Variants in RASAL2 observed in about 807,000 individuals in gnomAD.
RASAL2 encodes ras GTPase-activating protein nGAP.
Under a neutral mutation model 128.9 loss-of-function variants are expected in RASAL2, and 58 were observed. That is an observed-to-expected ratio of 0.45 (90% CI 0.36 to 0.56). The LOEUF is 0.56. Ranked by LOEUF, RASAL2 falls within the 20% of genes least tolerant of loss-of-function variation. RASAL2 has a pLI of 0.00. For synonymous variants in RASAL2, 561 were observed against 580.8 expected, an observed-to-expected ratio of 0.97 and a Z score of 0.49; for missense variants, 1,360 against 1,601.6, an observed-to-expected ratio of 0.85 and a Z score of 2.57.
intron 1 of RASAL2, among the ~76,000 whole-genome samples, chr1:178,157,765 TG>T (rs1661132448): frequency 6.6e-6 from 1 of 152,206 alleles, no homozygotes; most frequent in African/African-American, 2.4e-5. Context: ...TCTTTGGAAA[TG>T]CTAACTATAA....
intron 3 of RASAL2, among the ~76,000 whole-genome samples, chr1:178,362,068 A>T (rs1671147881): frequency 6.6e-6 from 1 of 152,110 alleles, no homozygotes. Flanking sequence ...TGTGCGGCCT[A>T]CTTCCTACCA....
intron 1 of RASAL2, among the ~76,000 whole-genome samples, chr1:178,175,128 T>C (rs934222372): frequency 6.6e-6 from 1 of 152,188 alleles, no homozygotes; most frequent in Admixed American, 6.5e-5. Context: ...GTTTTCTCAT[T>C]AATAAAATAG....
At chr1:178,330,632 A>G (rs1161317204) in intron 3 of RASAL2, among the ~76,000 whole-genome samples, 3 of 152,174 alleles carry the variant, frequency 2.0e-5, no homozygotes, top group Non-Finnish European at 4.4e-5. Flanking sequence ...AGAATTAAAC[A>G]TTTCTGTAAA....
At chr1:178,125,484 T>G (rs1659861934) in intron 1 of RASAL2, 1 of 152,240 alleles carries the variant, frequency 6.6e-6, no homozygotes, top group African/African-American at 2.4e-5. Context: ...GGAAATGTGG[T>G]GCCGGCATCT....
At chr1:178,408,497 A>C (rs925335834) in intron 4 of RASAL2, among the ~76,000 whole-genome samples, 2 of 152,120 alleles carry the variant, frequency 1.3e-5, no homozygotes, top group Non-Finnish European at 2.9e-5. Flanking sequence ...ATTTTACTTT[A>C]GTTTAATTAT....
intron 3 of RASAL2, among the ~76,000 whole-genome samples, chr1:178,355,199 C>T (rs1670735954): frequency 6.6e-6 from 1 of 152,110 alleles, no homozygotes; most frequent in Non-Finnish European, 1.5e-5. Context: ...TTTTAGAAAC[C>T]TAATTTAGGA....
intron 3 of RASAL2, among the ~76,000 whole-genome samples, chr1:178,325,521 A>G (rs1164608979): frequency 6.6e-6 from 1 of 152,238 alleles, no homozygotes; most frequent in Non-Finnish European, 1.5e-5. Flanking sequence ...GATAGAGCTA[A>G]TGAGATAATA....
rs560913048 is a variant in RASAL2 at position 178,114,522 on chromosome 1, G to GT, written c.202+19841dup. 8.7e-3 allele frequency among the ~76,000 whole-genome samples: 1,259 copies of GT among 144,396 alleles called. 14 individuals are homozygous for GT. Among genetic ancestry groups the GT allele is most frequent in the African/African-American group, 0.025 (983 of 39,682 alleles). 94.7% of individuals were successfully genotyped at this position (144,396 alleles called of 152,430 possible). A position where few individuals can be genotyped will look rare whatever the true frequency, so the allele number is the denominator to read the frequency against. ...ATTGTGAATAACCTTGATTTTTGAG[G>GT]TTTTTTTTTTTTTCTTTGAGATGGA... On this transcript the variant is annotated intron_variant, in intron 1 of 17. Coordinates refer to ENST00000367649, the MANE Select transcript of RASAL2 (RefSeq NM_170692.4).
intron 9 of RASAL2, among the ~76,000 whole-genome samples, chr1:178,447,145 T>A (rs1677057275): frequency 6.6e-6 from 1 of 152,030 alleles, no homozygotes; most frequent in South Asian, 2.1e-4. Context: ...TCAGTGGAAT[T>A]AACTTAGCAG....
chr1:178,270,991 C>T (rs1666223023), intron 1 of RASAL2, among the ~76,000 whole-genome samples: 1 of 152,180 alleles, frequency 6.6e-6, no homozygotes, highest in Admixed American at 6.5e-5. Flanking sequence ...CTTTTCTCAA[C>T]TGTGACAATT....
chr1:178,327,251 A>G (rs753414578), intron 3 of RASAL2, among the ~76,000 whole-genome samples: 1 of 152,194 alleles, frequency 6.6e-6, no homozygotes, highest in Non-Finnish European at 1.5e-5. Context: ...TCTTCAGGCT[A>G]TAAAGTATTT....
chr1:178,394,861 C>CA (rs1377603748), intron 4 of RASAL2, among the ~76,000 whole-genome samples: 3 of 151,836 alleles, frequency 2.0e-5, no homozygotes, highest in Non-Finnish European at 2.9e-5. Flanking sequence ...AAAACATTGT[C>CA]AAAAAAACAA....
intron 5 of RASAL2, among the ~76,000 whole-genome samples, chr1:178,438,690 C>G (rs1323315512): frequency 2.0e-5 from 3 of 151,920 alleles, no homozygotes; most frequent in African/African-American, 4.8e-5. Flanking sequence ...ACAAAGATCT[C>G]TCTTCTAGAT....
At chr1:178,388,403 G>A (rs538103598) in intron 3 of RASAL2, among the ~76,000 whole-genome samples, 1 of 152,224 alleles carries the variant, frequency 6.6e-6, no homozygotes, top group South Asian at 2.1e-4. Flanking sequence ...TAGAAGTCAT[G>A]TGTGCCTAAT....
chr1:178,214,719 C>T (rs539676041), intron 1 of RASAL2, among the ~76,000 whole-genome samples: 2 of 152,134 alleles, frequency 1.3e-5, no homozygotes, highest in South Asian at 4.2e-4. Flanking sequence ...CCACCACGCT[C>T]GGCTAATTTT....
intron 2 of RASAL2, among the ~76,000 whole-genome samples, chr1:178,296,178 T>C (rs1368436158): frequency 6.7e-6 from 1 of 149,212 alleles, no homozygotes; most frequent in Non-Finnish European, 1.5e-5. Flanking sequence ...TGTGTGTGCA[T>C]ATATATATAT....
intron 1 of RASAL2, among the ~76,000 whole-genome samples, chr1:178,203,034 G>A (rs966574835): frequency 1.3e-5 from 2 of 152,182 alleles, no homozygotes; most frequent in African/African-American, 4.8e-5. Context: ...TGATCAGCCA[G>A]CTAGTTGGTG....
intron 1 of RASAL2, among the ~76,000 whole-genome samples, chr1:178,247,698 G>A (rs1344356789): frequency 6.6e-6 from 1 of 152,076 alleles, no homozygotes; most frequent in African/African-American, 2.4e-5. Context: ...TTTCTGATAT[G>A]GGCATTTAGT....
intron 3 of RASAL2, among the ~76,000 whole-genome samples, chr1:178,379,431 A>G (rs1478382950): frequency 6.6e-6 from 1 of 151,996 alleles, no homozygotes; most frequent in Non-Finnish European, 1.5e-5. Flanking sequence ...AAGGAAGGGA[A>G]GAAAGGAAGA....
Sources: allele counts gnomAD v4.1 joint callset (sites outside exome capture counted in the v4.1 genomes callset), GRCh38; gene constraint gnomAD v4.1.1; transcripts MANE v1.5; gene names NCBI Gene and HGNC (gene_info 2026-07-23, HGNC 2026-07-21).